Variants in TMEM38B observed in about 807,000 individuals in gnomAD.
The protein encoded by TMEM38B is trimeric intracellular cation channel type B.
TMEM38B carries 24 observed loss-of-function variants against 28.7 expected under a neutral mutation model. The observed-to-expected ratio is 0.84, with a 90% CI of 0.61 to 1.18. The LOEUF (loss-of-function observed/expected upper bound fraction) is 1.18, where lower values mean the gene tolerates loss of function less well. TMEM38B is among the 50% of genes most tolerant of loss of function. TMEM38B has a pLI of 0.00. For missense variants in TMEM38B, 380 were observed against 350.9 expected, an observed-to-expected ratio of 1.08 and a Z score of -0.66; for synonymous variants, 131 against 127.7, an observed-to-expected ratio of 1.03 and a Z score of -0.17.
At chr9:105,722,666 G>T in intron 4 of TMEM38B, 45 bp downstream of exon 4, 1 of 1,498,848 alleles carries the variant, frequency 6.7e-7, no homozygotes, top group Non-Finnish European at 9.2e-7. Flanking sequence ...TTTATCCTTA[G>T]ATCTTACCAA....
chr9:105,750,286 T>A (rs1837599381), intron 5 of TMEM38B, among the ~76,000 whole-genome samples: 1 of 149,746 alleles, frequency 6.7e-6, no homozygotes, highest in African/African-American at 2.4e-5. Flanking sequence ...ATTCTGTAAG[T>A]TTTTTTTTTC....
At chr9:105,767,513 A>G (rs1165598585) in intron 5 of TMEM38B, among the ~76,000 whole-genome samples, 1 of 152,208 alleles carries the variant, frequency 6.6e-6, no homozygotes, top group African/African-American at 2.4e-5. Flanking sequence ...GATTGCATCT[A>G]TAGATTAATT....
chr9:105,762,598 T>G lies in TMEM38B; in HGVS notation c.661-11267T>G, dbSNP rs1232246501. 4.7e-3 allele frequency among the ~76,000 whole-genome samples: 659 copies of G among 140,824 alleles called. 6 individuals carry two copies. The highest frequency in any genetic ancestry group is 5.9e-3 in the Non-Finnish European group (381 of 64,780). 92.4% of individuals were successfully genotyped at this position (140,824 alleles called of 152,430 possible). On this transcript the variant is annotated intron_variant, in intron 5 of 5. Transcript: ENST00000374692. ...CAAAGGACATGAACTCATCATTTTTTATGGCTGCATAGTATTCCATGGTGT... is the reference window on the plus strand; with the variant it reads ...CAAAGGACATGAACTCATCATTTTTGATGGCTGCATAGTATTCCATGGTGT...
At chr9:105,749,101 C>T in intron 5 of TMEM38B, 1 of 1,303,542 alleles carries the variant, frequency 7.7e-7, no homozygotes, top group Non-Finnish European at 1.0e-6. Flanking sequence ...TGATCTGTGG[C>T]TGTAATTCAG....
At chr9:105,700,090 C>A (rs1342205731) in intron 1 of TMEM38B, among the ~76,000 whole-genome samples, 1 of 152,188 alleles carries the variant, frequency 6.6e-6, no homozygotes, top group Non-Finnish European at 1.5e-5. Context: ...CTATTACACA[C>A]AAAATGTATT....
Position 105,694,589 on chromosome 9 carries a change from C to A in TMEM38B, c.-72C>A. 2 of 1,310,408 alleles carry A rather than the reference C, an allele frequency of 1.5e-6. No individual in the cohort carries two copies. Among genetic ancestry groups the A allele is most frequent in the South Asian group, 1.2e-5 (1 of 83,286 alleles). The allele number at this position is 1,310,408 out of a possible 1,614,324, so 81.2% of individuals were successfully genotyped here. ...GCGGGCGGCCGCGGCTGTGCCCTCT[C>A]CTACTCCTCACCGCGCGAGCGCGGG... is the stretch of plus-strand genomic sequence containing the variant. On this transcript the variant is annotated 5_prime_UTR_variant, in exon 1 of 6. Coordinates refer to ENST00000374692, the MANE Select transcript of TMEM38B (RefSeq NM_018112.3).
intron 1 of TMEM38B, among the ~76,000 whole-genome samples, chr9:105,699,437 T>C (rs976668963): frequency 1.3e-5 from 2 of 152,304 alleles, no homozygotes; most frequent in East Asian, 3.9e-4. Context: ...TGAGACTTTA[T>C]TTTGGTATGC....
chr9:105,723,124 A>G (rs1354148116), intron 4 of TMEM38B, among the ~76,000 whole-genome samples: 1 of 152,222 alleles, frequency 6.6e-6, no homozygotes, highest in Non-Finnish European at 1.5e-5. Flanking sequence ...TTAATTACAG[A>G]TTAAAATAAG....
At chr9:105,728,231 A>G (rs377729811) in intron 4 of TMEM38B, among the ~76,000 whole-genome samples, 49 of 151,954 alleles carry the variant, frequency 3.2e-4, no homozygotes, top group African/African-American at 1.1e-3. Flanking sequence ...TCCTAACACT[A>G]TCTCTCTCCC....
intron 4 of TMEM38B, among the ~76,000 whole-genome samples, chr9:105,729,406 T>C (rs1588425802): frequency 6.6e-6 from 1 of 152,218 alleles, no homozygotes. Context: ...TGTAGTGTTA[T>C]CTCTAAGGTC....
chr9:105,694,615 G>A lies in TMEM38B; in HGVS notation c.-46G>A, dbSNP rs745314787. The stretch of plus-strand genomic sequence containing the variant: ...CTACTCCTCACCGCGCGAGCGCGGG[G>A]AACCAGTAGCCGCGGCTGCTTCGGT... On this transcript the variant is annotated 5_prime_UTR_variant, in exon 1 of 6. Coordinates refer to ENST00000374692, the MANE Select transcript of TMEM38B (RefSeq NM_018112.3). 5 of 1,544,780 alleles carry A rather than the reference G, an allele frequency of 3.2e-6. No individual in the cohort carries two copies. The South Asian group carries it at 3.3e-5, about 10-fold the overall frequency.
At chr9:105,711,844 A>G (rs1194661854) in intron 2 of TMEM38B, among the ~76,000 whole-genome samples, 20 of 151,996 alleles carry the variant, frequency 1.3e-4, no homozygotes, top group Non-Finnish European at 5.9e-5. Context: ...AAAGATAAGA[A>G]AAGAAATACA....
At chr9:105,738,270 G>A (rs576268800) in intron 4 of TMEM38B, among the ~76,000 whole-genome samples, 1 of 152,072 alleles carries the variant, frequency 6.6e-6, no homozygotes, top group African/African-American at 2.4e-5. Context: ...TGGTGGTGAG[G>A]GTTGTTGGGG....
intron 3 of TMEM38B, among the ~76,000 whole-genome samples, chr9:105,722,072 T>G (rs995098257): frequency 6.6e-6 from 1 of 152,180 alleles, no homozygotes; most frequent in African/African-American, 2.4e-5. Context: ...TATTGCTCTG[T>G]CTTTTCTGTG....
At chr9:105,730,009 C>T (rs1428241994) in intron 4 of TMEM38B, among the ~76,000 whole-genome samples, 1 of 152,170 alleles carries the variant, frequency 6.6e-6, no homozygotes, top group Admixed American at 6.5e-5. Context: ...AATATACAAT[C>T]ATGTCATCTG....
intron 1 of TMEM38B, among the ~76,000 whole-genome samples, chr9:105,700,165 T>C (rs535874067): frequency 1.3e-5 from 2 of 152,338 alleles, no homozygotes; most frequent in East Asian, 3.9e-4. Context: ...TAATTAATTT[T>C]AGCAAATATT....
intron 5 of TMEM38B, among the ~76,000 whole-genome samples, chr9:105,750,893 C>A (rs182428264): frequency 4.6e-5 from 7 of 152,128 alleles, no homozygotes; most frequent in Non-Finnish European, 1.0e-4. Flanking sequence ...TTGTAAAAAC[C>A]GTTCTTTTCC....
intron 5 of TMEM38B, among the ~76,000 whole-genome samples, chr9:105,754,934 AC>A (rs1349047765): frequency 1.3e-5 from 2 of 152,150 alleles, no homozygotes; most frequent in Non-Finnish European, 1.5e-5. Flanking sequence ...GATAACACTG[AC>A]CCCACAGAAA....
intron 1 of TMEM38B, among the ~76,000 whole-genome samples, chr9:105,695,180 C>T (rs903651602): frequency 2.0e-5 from 3 of 152,034 alleles, no homozygotes; most frequent in Admixed American, 6.5e-5. Context: ...TGTCGCCACT[C>T]GCTCGCAGTG....
Sources: allele counts gnomAD v4.1 joint callset (sites outside exome capture counted in the v4.1 genomes callset), GRCh38; gene constraint gnomAD v4.1.1; transcripts MANE v1.5; gene names NCBI Gene and HGNC (gene_info 2026-07-23, HGNC 2026-07-21).